The following TEX10 variants were observed in gnomAD, a reference collection of about 807,000 sequenced individuals.
The protein encoded by TEX10 is testis expressed 10.
In TEX10, 24 loss-of-function variants were observed where a neutral mutation model predicts 104.4. The observed-to-expected ratio is 0.23, with a 90% CI of 0.17 to 0.32. TEX10 has a LOEUF of 0.32. Among genes scored for constraint, TEX10 ranks in the 10% least tolerant of loss-of-function variants. The pLI is 1.00. For synonymous variants in TEX10, 396 were observed against 393.4 expected, an observed-to-expected ratio of 1.01 and a Z score of -0.08; for missense variants, 921 against 1,083.9, an observed-to-expected ratio of 0.85 and a Z score of 2.11.
chr9:100,346,392 T>C, intron 3 of TEX10, 77 bp from the exon 4 acceptor site: 1 of 1,449,084 alleles, frequency 6.9e-7, no homozygotes. Flanking sequence ...ATCTTAAATA[T>C]AAAGTACTAG....
At chr9:100,310,155 C>T in intron 12 of TEX10, 144 bp downstream of exon 12, 1 of 677,324 alleles carries the variant, frequency 1.5e-6, no homozygotes, top group Non-Finnish European at 2.5e-6. Flanking sequence ...TTCCTCAGTT[C>T]TTGCCAATGC....
rs1459489367 is a variant in TEX10 at position 100,327,956 on chromosome 9, A to G, written c.1632T>C (p.Arg544=). 5 of 1,559,206 alleles carry G rather than the reference A, an allele frequency of 3.2e-6. No homozygotes were observed. In the African/African-American group the frequency reaches 6.7e-5, roughly 21 times the overall value. The stretch of plus-strand genomic sequence containing the variant: ...CCAGCCAACGGGATAACACTTTACT[A>G]CGATATCTTAGAAAGGCCAAAGAAG... ...EELRSCRFRY[R]SKVLSRWLAG... The change falls in exon 8 of 15, where the codon CGT becomes CGC. Residue 544 remains arginine, a synonymous_variant. Transcript: ENST00000374902.
intron 8 of TEX10, among the ~76,000 whole-genome samples, chr9:100,327,145 T>C (rs1007740521): frequency 6.6e-6 from 1 of 151,898 alleles, no homozygotes; most frequent in Non-Finnish European, 1.5e-5. Context: ...AGACAGAAAG[T>C]AGATGAGTGA....
Position 100,308,510 on chromosome 9 carries a change from G to T in TEX10, c.2455C>A (p.Leu819Ile). 1 of 1,585,948 alleles carries T rather than the reference G, an allele frequency of 6.3e-7. No homozygotes were observed. Among genetic ancestry groups the T allele is most frequent in the Non-Finnish European group, 8.5e-7 (1 of 1,171,258 alleles). The stretch of plus-strand genomic sequence containing the variant: ...ATAAAAAATAATTACCTCTTTCTTA[G>T]ATGTTCTGCTTCCCCTTTCTCTATA... The part of the protein sequence containing the change: ...LTIEKGEAEH[L>I]RKRDKLWGVC... Residue 819 changes from leucine (L) to isoleucine (I), a missense_variant, in exon 13 of 15, where the codon CTA becomes ATA. By Grantham distance (5) the Leu-to-Ile change is conservative. Around this residue, in one of 3 missense-constraint regions of TEX10, gnomAD observed 753 missense variants for 868.4 expected, o/e 0.87. Transcript: ENST00000374902.
chr9:100,330,259 T>G, intron 5 of TEX10, 90 bp from the exon 6 acceptor site: 2 of 1,037,582 alleles, frequency 1.9e-6, no homozygotes, highest in Non-Finnish European at 2.8e-6. Context: ...AATGGAGTTT[T>G]AAAAAATTCC....
In TEX10 at chr9:100,326,402, T is replaced by A; in HGVS notation, c.1879A>T (p.Ser627Cys). The change falls in exon 9 of 15, where the codon AGT becomes TGT. Residue 627 changes from serine (S) to cysteine (C), a missense_variant. Ser to Cys is a moderately radical substitution (Grantham distance 112, BLOSUM62 -1). This residue lies in a region of TEX10 where 753 missense variants were observed against 868.4 expected (regional missense o/e 0.87). Coordinates refer to ENST00000374902, the MANE Select transcript of TEX10 (RefSeq NM_017746.4). ...RLVQLVYFLP[S>C]LPADLLSRLS... The stretch of plus-strand genomic sequence containing the variant: ...CGAGAAAGCAAATCAGCCGGCAGAC[T>A]GGGTAGGAAATATACAAGCTGAACC... The A allele has an allele frequency of 6.2e-7, 1 of 1,612,890 alleles. No individual in the cohort carries two copies.
chr9:100,332,610 A>C (rs1318372360), intron 5 of TEX10, among the ~76,000 whole-genome samples: 1 of 152,096 alleles, frequency 6.6e-6, no homozygotes, highest in African/African-American at 2.4e-5. Flanking sequence ...TCACGAGGTC[A>C]GGAGATCGAG....
At chr9:100,325,731 A>C (rs1270777519) in intron 9 of TEX10, among the ~76,000 whole-genome samples, 1 of 152,116 alleles carries the variant, frequency 6.6e-6, no homozygotes, top group Non-Finnish European at 1.5e-5. Flanking sequence ...GGGTTTCACC[A>C]TGCTGGCCAG....
chr9:100,315,212 T>G (rs535828878), intron 11 of TEX10, among the ~76,000 whole-genome samples: 1 of 152,200 alleles, frequency 6.6e-6, no homozygotes, highest in Non-Finnish European at 1.5e-5. Flanking sequence ...TATGTGATGA[T>G]GAGAAGAATG....
chr9:100,346,422 C>A, intron 3 of TEX10, 107 bp from the exon 4 acceptor site: 1 of 1,256,656 alleles, frequency 8.0e-7, no homozygotes, highest in Non-Finnish European at 1.1e-6. Flanking sequence ...GCACCATGAA[C>A]TGATAATTAC....
intron 3 of TEX10, 88 bp downstream of exon 3, chr9:100,346,606 G>T (rs1835304694): frequency 7.5e-7 from 1 of 1,338,734 alleles, no homozygotes. Context: ...AAAGACAACT[G>T]CATGTCTTCC....
In TEX10 at chr9:100,346,704, A is replaced by G. The variant is rs1835307509; in HGVS notation, c.883T>C (p.Phe295Leu). 1.2e-6 allele frequency: 2 copies of G among 1,611,606 alleles called. No homozygotes were observed. Among genetic ancestry groups the G allele is most frequent in the Non-Finnish European group, 1.7e-6 (2 of 1,178,698 alleles). Residue 295 changes from phenylalanine (F) to leucine (L), a missense_variant, in exon 3 of 15, where the codon TTC becomes CTC. This residue lies in a region of TEX10 where 753 missense variants were observed against 868.4 expected (regional missense o/e 0.87). Transcript: ENST00000374902. Reference sequence around the variant, plus strand: ...TGAAATCCTTCTTACCGTAGCCTGAACTGTGAACTGACATTTGGCTGTGAA... The same window carrying G: ...TGAAATCCTTCTTACCGTAGCCTGAGCTGTGAACTGACATTTGGCTGTGAA... ...GGSQPNVSSQ[F>L]RLRYLVGGLS... is the part of the protein sequence containing the mutation.
intron 11 of TEX10, among the ~76,000 whole-genome samples, chr9:100,311,759 TAA>T: frequency 6.6e-6 from 1 of 152,304 alleles, no homozygotes; most frequent in Admixed American, 6.5e-5. Flanking sequence ...AGAACAGTAC[TAA>T]GTCCTTCACA....
chr9:100,346,897 T>C lies in TEX10; in HGVS notation c.690A>G (p.Arg230=). 1 of 1,614,188 alleles carries C rather than the reference T, an allele frequency of 6.2e-7. No homozygotes were observed. Among genetic ancestry groups the C allele is most frequent in the Non-Finnish European group, 8.5e-7 (1 of 1,180,036 alleles). Residue 230 remains arginine, a synonymous_variant, in exon 3 of 15, where the codon AGA becomes AGG. Coordinates refer to ENST00000374902, the MANE Select transcript of TEX10 (RefSeq NM_017746.4). ...CCAAGGCCTGAAGGAATTTACTGAG[T>C]CTCACTAAGACTTTCAGCCTCCATT... ...SQQWRLKVLV[R]LSKFLQALAD...
At chr9:100,328,482 T>C (rs1834764443) in intron 7 of TEX10, among the ~76,000 whole-genome samples, 1 of 152,200 alleles carries the variant, frequency 6.6e-6, no homozygotes, top group African/African-American at 2.4e-5. Context: ...TACTCACCAA[T>C]TTATTTATTT....
At chr9:100,334,686 A>C (rs1834963272) in intron 5 of TEX10, among the ~76,000 whole-genome samples, 1 of 147,486 alleles carries the variant, frequency 6.8e-6, no homozygotes, top group Non-Finnish European at 1.5e-5. Flanking sequence ...TTTTCCTGAG[A>C]CAGAGTCTCA....
intron 5 of TEX10, among the ~76,000 whole-genome samples, chr9:100,336,036 A>G (rs10989056): frequency 0.63 from 95,648 of 151,350 alleles, 32,184 homozygotes; most frequent in East Asian, 0.89. Context: ...GCATAGTGGC[A>G]CATGCCTATA....
intron 11 of TEX10, among the ~76,000 whole-genome samples, 193 bp from the exon 12 acceptor site, chr9:100,310,572 G>T (rs1209517066): frequency 6.6e-6 from 1 of 151,886 alleles, no homozygotes; most frequent in Non-Finnish European, 1.5e-5. Context: ...CCAGTAGCTG[G>T]GACTACAGGT....
intron 11 of TEX10, among the ~76,000 whole-genome samples, chr9:100,319,904 T>C (rs1027996579): frequency 6.6e-6 from 1 of 152,234 alleles, no homozygotes; most frequent in Non-Finnish European, 1.5e-5. Context: ...ATAAGTTACA[T>C]AGTAATTCTT....
Sources: allele counts gnomAD v4.1 joint callset (sites outside exome capture counted in the v4.1 genomes callset), GRCh38; gene constraint gnomAD v4.1.1; regional missense constraint gnomAD v4.1.1; transcripts MANE v1.5; gene names NCBI Gene and HGNC (gene_info 2026-07-23, HGNC 2026-07-21).